CEP192: variants seen among roughly 807,000 people sequenced by gnomAD.
CEP192 encodes centrosomal protein 192.
Under a neutral mutation model 271.8 loss-of-function variants are expected in CEP192, and 151 were observed. The ratio of observed to expected loss-of-function variants is 0.56; its 90% CI spans 0.49 to 0.64. CEP192 has a LOEUF of 0.64. Ranked by LOEUF, CEP192 falls within the 30% of genes least tolerant of loss-of-function variation. The pLI, the probability that CEP192 is intolerant of heterozygous loss-of-function variation, is 0.00. For synonymous variants in CEP192, 995 were observed against 1,076.5 expected, an observed-to-expected ratio of 0.92 and a Z score of 1.48; for missense variants, 2,910 against 3,020.5, an observed-to-expected ratio of 0.96 and a Z score of 0.86.
chr18:13,067,977 AG>A, intron 22 of CEP192, 21 bp downstream of exon 22: 1 of 1,603,048 alleles, frequency 6.2e-7, no homozygotes, highest in Non-Finnish European at 8.5e-7. Context: ...ACATACAGTA[AG>A]AAACCATTTA....
intron 12 of CEP192, among the ~76,000 whole-genome samples, 177 bp from the exon 13 acceptor site, chr18:13,038,193 G>T (rs533089847): frequency 1.1e-4 from 16 of 151,924 alleles, no homozygotes; most frequent in African/African-American, 3.9e-4. Flanking sequence ...TTCCTTTTCT[G>T]GACTTCATTA....
intron 12 of CEP192, 133 bp from the exon 13 acceptor site, chr18:13,038,237 A>T (rs1198021924): frequency 6.8e-5 from 39 of 569,636 alleles, no homozygotes; most frequent in Non-Finnish European, 9.7e-5. Context: ...AGTTTGTCCA[A>T]TTTTTTTTTT....
intron 21 of CEP192, 64 bp downstream of exon 21, chr18:13,059,376 A>G: frequency 7.3e-7 from 1 of 1,367,274 alleles, no homozygotes; most frequent in Non-Finnish European, 1.0e-6. Flanking sequence ...TTAACCTTAG[A>G]AGTAAAATTT....
chr18:13,113,799 A>G (rs1019626118), intron 41 of CEP192, 94 bp downstream of exon 41: 1 of 1,107,608 alleles, frequency 9.0e-7, no homozygotes, highest in South Asian at 1.6e-5. Context: ...AATGCAGAAT[A>G]TAGCCCCATA....
At chr18:13,086,647 C>A (rs971632612) in intron 30 of CEP192, among the ~76,000 whole-genome samples, 1 of 152,176 alleles carries the variant, frequency 6.6e-6, no homozygotes, top group Admixed American at 6.5e-5. Context: ...TGCCAGCCAC[C>A]AGTTCATCTT....
At chr18:13,033,544 G>A (rs1008120392) in intron 11 of CEP192, among the ~76,000 whole-genome samples, 1 of 152,208 alleles carries the variant, frequency 6.6e-6, no homozygotes, top group East Asian at 1.9e-4. Context: ...TCCTGTAACC[G>A]AGCAGTTCTG....
chr18:13,087,267 G>C lies in CEP192; in HGVS notation c.5867G>C (p.Arg1956Thr), dbSNP rs780370983. Residue 1956 changes from arginine to threonine, a missense_variant, in exon 31 of 45, where the codon AGA (arginine) becomes ACA (threonine). Physicochemically the swap from Arg to Thr is moderately conservative, Grantham distance 71 (BLOSUM62 -1). Transcript: ENST00000506447. ...IFPDKFVLKE[R>T]TQENVTLIYN... The stretch of plus-strand genomic sequence containing the variant: ...CCAGATAAATTTGTACTCAAGGAAA[G>C]AACACAAGAAGTAAGTACAAAAGTT... 1 of 1,599,318 alleles carries C rather than the reference G, an allele frequency of 6.3e-7. No homozygotes were observed. The highest frequency in any genetic ancestry group is 8.6e-7 in the Non-Finnish European group (1 of 1,169,242).
At position 13,116,397 on chromosome 18, in the gene CEP192, G is replaced by T; in HGVS notation, c.7310G>T (p.Arg2437Leu). Residue 2437 changes from arginine (R) to leucine (L), a missense_variant, in exon 43 of 45, where the codon CGT becomes CTT. Transcript: ENST00000506447. ...RIPEQLDVTA[R>L]GVYAPEDVYR... The stretch of plus-strand genomic sequence containing the variant: ...AGCAGGCAGCTTGATGTGACTGCTC[G>T]TGGAGTTTATGCCCCAGAGGATGTG... 6.2e-7 allele frequency: 1 copy of T among 1,612,208 alleles called. No homozygotes were observed. The highest frequency in any genetic ancestry group is 2.2e-5 in the East Asian group (1 of 44,796).
At chr18:13,014,882 G>C (rs8089724) in intron 5 of CEP192, among the ~76,000 whole-genome samples, 55,791 of 151,990 alleles carry the variant, frequency 0.37, 10,510 homozygotes, top group Middle Eastern at 0.47. Flanking sequence ...AAATGGCTGC[G>C]TGCCCTTTAG....
At chr18:13,024,214 A>C in intron 9 of CEP192, 1 of 411,066 alleles carries the variant, frequency 2.4e-6, no homozygotes, top group Non-Finnish European at 4.8e-6. Flanking sequence ...CTTCCTAGAG[A>C]ATTGATTCCT....
intron 36 of CEP192, among the ~76,000 whole-genome samples, chr18:13,096,877 C>T (rs2039427592): frequency 6.6e-6 from 1 of 152,200 alleles, no homozygotes; most frequent in Non-Finnish European, 1.5e-5. Context: ...TGCCCTCTGT[C>T]CACAGCCTGG....
At chr18:13,072,103 G>A (rs111888490) in intron 28 of CEP192, among the ~76,000 whole-genome samples, 1 of 152,162 alleles carries the variant, frequency 6.6e-6, no homozygotes, top group Non-Finnish European at 1.5e-5. Flanking sequence ...ACACAAGGTG[G>A]ATGAGACGTA....
chr18:13,045,771 A>G (rs1354993880), intron 15 of CEP192, among the ~76,000 whole-genome samples: 2 of 152,240 alleles, frequency 1.3e-5, no homozygotes, highest in Admixed American at 6.5e-5. Flanking sequence ...TGTTCTTGCT[A>G]ACAAATCAAA....
At chr18:13,061,205 C>CCCAGCTA in intron 21 of CEP192, among the ~76,000 whole-genome samples, 1 of 152,296 alleles carries the variant, frequency 6.6e-6, no homozygotes, top group East Asian at 1.9e-4. Flanking sequence ...CGCCTGTAAT[C>CCCAGCTA]CCAGCTACTC....
At chr18:13,074,409 G>C (rs887160779) in intron 30 of CEP192, among the ~76,000 whole-genome samples, 2 of 152,186 alleles carry the variant, frequency 1.3e-5, no homozygotes, top group Non-Finnish European at 2.9e-5. Flanking sequence ...CTGATTTTGT[G>C]TGAGGATAAT....
chr18:13,093,407 A>G (rs1334222838), intron 34 of CEP192, among the ~76,000 whole-genome samples: 1 of 152,184 alleles, frequency 6.6e-6, no homozygotes, highest in Non-Finnish European at 1.5e-5. Flanking sequence ...TGGTTATCCT[A>G]TCTGCTTACT....
At chr18:13,111,071 G>A (rs768147372) in intron 40 of CEP192, among the ~76,000 whole-genome samples, 8 of 152,128 alleles carry the variant, frequency 5.3e-5, no homozygotes, top group Non-Finnish European at 2.9e-5. Flanking sequence ...AAACAATACT[G>A]AGCAGCCATC....
Position 13,056,016 on chromosome 18 carries a change from C to G in CEP192, c.3426C>G (p.Ser1142=), listed in dbSNP as rs1452900229. Residue 1142 remains serine (S), a synonymous_variant, in exon 19 of 45, where the codon TCC becomes TCG. Transcript: ENST00000506447. The stretch of plus-strand genomic sequence containing the variant: ...TTAGATGGAGTAAAGATCCTTCCTC[C>G]AAAAGTGGAAATCTGTTGGAAACCA... ...PDFRWSKDPS[S]KSGNLLETSE... is the part of the protein sequence containing the mutation. 1 of 1,614,002 alleles carries G rather than the reference C, an allele frequency of 6.2e-7. No homozygotes were observed. The highest frequency in any genetic ancestry group is 8.5e-7 in the Non-Finnish European group (1 of 1,180,038).
chr18:13,057,600 C>G lies in CEP192; in HGVS notation c.4124C>G (p.Pro1375Arg). Reference protein sequence around the residue: ...VTSGLGSVRVPEELKLPHACC... With the variant: ...VTSGLGSVRVREELKLPHACC... ...TCTCACCCAGGGAGTGTCCGAGTGC[C>G]CGAGGAGTTGAAGCTTCCTCATGCT... Residue 1375 changes from proline (P) to arginine (R), a missense_variant, in exon 20 of 45, where the codon CCC (proline) becomes CGC (arginine). Pro to Arg is a moderately radical substitution (Grantham distance 103). Transcript: ENST00000506447. The G allele has an allele frequency of 1.9e-6, 3 of 1,614,050 alleles. No homozygotes were observed. The highest frequency in any genetic ancestry group is 1.1e-5 in the South Asian group (1 of 91,068).
Sources: gnomAD v4.1 joint callset for allele counts (sites outside exome capture counted in the v4.1 genomes callset) on GRCh38, gnomAD v4.1.1 for gene constraint, MANE v1.5 for transcripts, NCBI Gene and HGNC (gene_info 2026-07-23, HGNC 2026-07-21) for gene names.